CEP128: variants seen among roughly 807,000 people sequenced by gnomAD.
CEP128 encodes the protein centrosomal protein 128kDa.
Under a neutral mutation model 156.7 loss-of-function variants are expected in CEP128, and 132 were observed. That is an observed-to-expected ratio of 0.84 (90% CI 0.73 to 0.97). CEP128 has a LOEUF of 0.97. Ranked by LOEUF, CEP128 falls within the 50% of genes least tolerant of loss-of-function variation. CEP128 has a pLI of 0.00. For synonymous variants in CEP128, 469 were observed against 448.9 expected, an observed-to-expected ratio of 1.04 and a Z score of -0.57; for missense variants, 1,252 against 1,281.9, an observed-to-expected ratio of 0.98 and a Z score of 0.36.
chr14:80,635,871 C>T (rs926624448), intron 19 of CEP128, among the ~76,000 whole-genome samples: 1 of 152,164 alleles, frequency 6.6e-6, no homozygotes. Context: ...GTGCACAACA[C>T]ACAGTTTATT....
chr14:80,504,971 G>T lies in CEP128; in HGVS notation c.3122C>A (p.Ser1041Ter). 1.2e-6 allele frequency: 2 copies of T among 1,604,832 alleles called. No individual in the cohort carries two copies. The highest frequency in any genetic ancestry group is 2.2e-5 in the South Asian group (2 of 89,034). The change falls in exon 24 of 25, where the codon TCA (serine) becomes TAA (stop). Residue 1041 changes from serine to a stop codon, truncating the protein, a stop_gained. Coordinates refer to ENST00000555265, the MANE Select transcript of CEP128 (RefSeq NM_152446.5). LOFTEE classifies it high-confidence loss of function. Reference sequence around the variant, plus strand: ...GCGACTGTGATCCTGCCAAGAGGATGAGTGATCTAACCCACGAGTGTGGGA... The same window carrying T: ...GCGACTGTGATCCTGCCAAGAGGATTAGTGATCTAACCCACGAGTGTGGGA... ...EGSHTRGLDH[S>*]SSWQDHSRFL...
At chr14:80,479,655 C>T (rs1266254247) in intron 14 of CEP128, among the ~76,000 whole-genome samples, 4 of 152,196 alleles carry the variant, frequency 2.6e-5, no homozygotes, top group Admixed American at 1.3e-4. Context: ...ACAGCCAAAC[C>T]GTATCATTCT....
chr14:80,699,139 G>A (rs1896984985), intron 19 of CEP128, among the ~76,000 whole-genome samples: 1 of 152,282 alleles, frequency 6.6e-6, no homozygotes, highest in East Asian at 1.9e-4. Context: ...TCCTGTCAGA[G>A]TACACATTCA....
rs529210345 is a variant in CEP128, at chr14:80,833,220, T to C, written c.1058-1926A>G. 2.0e-5 allele frequency among the ~76,000 whole-genome samples: 3 copies of C among 152,002 alleles called. No individual in the cohort carries two copies. The South Asian group carries it at 6.2e-4, about 31-fold the overall frequency. The stretch of plus-strand genomic sequence containing the variant: ...ATATAACATGTCTCAATAATATGTA[T>C]ATATTGATACGTTTCTTGATATATA... On this transcript the variant is annotated intron_variant, in intron 12 of 24. Coordinates refer to ENST00000555265, the MANE Select transcript of CEP128 (RefSeq NM_152446.5).
intron 19 of CEP128, among the ~76,000 whole-genome samples, chr14:80,633,253 AC>A (rs1362940347): frequency 7.7e-6 from 1 of 130,078 alleles, no homozygotes; most frequent in Admixed American, 8.0e-5. Context: ...ACAAACAAAA[AC>A]AAAACAAAAC....
intron 19 of CEP128, among the ~76,000 whole-genome samples, chr14:80,642,165 G>A (rs1423208838): frequency 6.6e-6 from 1 of 151,020 alleles, no homozygotes; most frequent in Non-Finnish European, 1.5e-5. Flanking sequence ...TCAGCCTACA[G>A]ACATTTCAGC....
chr14:80,957,390 G>C (rs1886750510), intron 2 of CEP128, among the ~76,000 whole-genome samples: 1 of 151,566 alleles, frequency 6.6e-6, no homozygotes, highest in Non-Finnish European at 1.5e-5. Flanking sequence ...CAGGACACAA[G>C]CTTCTCTAAC....
At chr14:80,868,124 A>G (rs1887859226) in intron 8 of CEP128, among the ~76,000 whole-genome samples, 1 of 152,164 alleles carries the variant, frequency 6.6e-6, no homozygotes, top group African/African-American at 2.4e-5. Context: ...AATTTGCCTT[A>G]CAAGAAATAT....
rs536740066 is a variant in CEP128 at position 80,730,796 on chromosome 14, G to A, written c.2806+12279C>T. ...AGAAAGTAGTTATCACTTTCATAGT[G>A]GAGGCACAAGAAATGAAAGGTTTGA... On this transcript the variant is annotated intron_variant, in intron 19 of 24. Coordinates refer to ENST00000555265, the MANE Select transcript of CEP128 (RefSeq NM_152446.5). Among the ~76,000 whole-genome samples, 18 of 152,266 alleles carry A rather than the reference G, an allele frequency of 1.2e-4. No homozygotes were observed. In the South Asian group the frequency reaches 1.5e-3, roughly 12 times the overall value.
chr14:80,805,510 C>T (rs888767685), intron 13 of CEP128, among the ~76,000 whole-genome samples: 1 of 152,072 alleles, frequency 6.6e-6, no homozygotes, highest in African/African-American at 2.4e-5. Flanking sequence ...GTACTAACCC[C>T]TAACTGATAT....
intron 9 of CEP128, among the ~76,000 whole-genome samples, chr14:80,856,670 T>C (rs114569801): frequency 0.054 from 8,050 of 149,206 alleles, 232 homozygotes; most frequent in Non-Finnish European, 0.065. Context: ...CCTGCGTGTG[T>C]GTGTGTGCGT....
chr14:80,838,489 C>T (rs1243850487), intron 10 of CEP128, among the ~76,000 whole-genome samples: 2 of 152,022 alleles, frequency 1.3e-5, no homozygotes, highest in Admixed American at 1.3e-4. Flanking sequence ...CAGACCAGGC[C>T]TCAGGAAGTC....
intron 19 of CEP128, among the ~76,000 whole-genome samples, chr14:80,709,987 T>C (rs115768188): frequency 0.025 from 3,784 of 149,294 alleles, 84 homozygotes; most frequent in African/African-American, 0.054. Context: ...AAAAAAGGAA[T>C]TGTCTTAAAA....
chr14:80,761,869 A>G (rs1352724714), intron 16 of CEP128, among the ~76,000 whole-genome samples: 1 of 152,130 alleles, frequency 6.6e-6, no homozygotes, highest in African/African-American at 2.4e-5. Flanking sequence ...CCTAACCAAA[A>G]GAAAAAAAGA....
intron 21 of CEP128, among the ~76,000 whole-genome samples, chr14:80,546,144 A>G (rs948759207): frequency 6.6e-6 from 1 of 152,180 alleles, no homozygotes; most frequent in Non-Finnish European, 1.5e-5. Flanking sequence ...CAGTCCACAC[A>G]CTGCTGTTGT....
At chr14:80,814,425 A>G (rs1884731324) in intron 13 of CEP128, among the ~76,000 whole-genome samples, 1 of 152,128 alleles carries the variant, frequency 6.6e-6, no homozygotes, top group South Asian at 2.1e-4. Flanking sequence ...GACTTCCAGA[A>G]AGATAGTTTA....
At chr14:80,571,850 TA>T (rs1346588745) in intron 20 of CEP128, among the ~76,000 whole-genome samples, 4 of 152,092 alleles carry the variant, frequency 2.6e-5, no homozygotes, top group Non-Finnish European at 5.9e-5. Context: ...TGCTCTTAAG[TA>T]TAGTAGTATA....
intron 2 of CEP128, chr14:80,958,142 A>G (rs955904209): frequency 2.6e-5 from 4 of 151,430 alleles, no homozygotes; most frequent in African/African-American, 9.7e-5. Context: ...GAGAAGTAAA[A>G]CATGTAAAGC....
At chr14:80,555,702 T>C (rs1027969996) in intron 21 of CEP128, among the ~76,000 whole-genome samples, 51 of 152,100 alleles carry the variant, frequency 3.4e-4, no homozygotes, top group Admixed American at 5.2e-4. Context: ...TCTGGGGCTC[T>C]TTCTATCTCA....
Sources: allele counts gnomAD v4.1 joint callset (sites outside exome capture counted in the v4.1 genomes callset), GRCh38; gene constraint gnomAD v4.1.1; transcripts MANE v1.5; gene names NCBI Gene and HGNC (gene_info 2026-07-23, HGNC 2026-07-21).